The following P2RY6 variants were observed in gnomAD, a reference collection of about 807,000 sequenced individuals.
The protein encoded by P2RY6 is pyrimidinergic receptor P2Y6.
P2RY6 carries 19 observed loss-of-function variants against 16.3 expected under a neutral mutation model. The observed-to-expected ratio is 1.16, with a 90% CI of 0.81 to 1.71. P2RY6 has a LOEUF of 1.71. Among genes scored for constraint, P2RY6 ranks in the 40% most tolerant of loss-of-function variants. The probability of loss-of-function intolerance (pLI) is 0.00; values close to 1 mark genes in which losing one functional copy is unlikely to be tolerated. For missense variants in P2RY6, 389 were observed against 455.5 expected, an observed-to-expected ratio of 0.85 and a Z score of 1.33; for synonymous variants, 184 against 201.5, an observed-to-expected ratio of 0.91 and a Z score of 0.74.
rs576174370 is a variant in P2RY6, at chr11:73,297,377, C to T, written c.859C>T (p.Arg287Trp). Residue 287 changes from arginine (R) to tryptophan (W), a missense_variant, in exon 3 of 3, where the codon CGG (arginine) becomes TGG (tryptophan). Arg to Trp is a moderately radical substitution (Grantham distance 101). Transcript: ENST00000540124. ...CTTTGCAGCGGCCTACAAAGGCACG[C>T]GGCCGTTTGCCAGTGCCAACAGCGT... Reference protein sequence around the residue: ...EAFAAAYKGTRPFASANSVLD... With the variant: ...EAFAAAYKGTWPFASANSVLD... 62 of 1,612,210 alleles carry T rather than the reference C, an allele frequency of 3.8e-5. No homozygotes were observed. Among genetic ancestry groups the T allele is most frequent in the Admixed American group, 1.7e-4 (10 of 60,036 alleles).
chr11:73,274,316 G>A (rs1373670692), intron 1 of P2RY6, among the ~76,000 whole-genome samples: 2 of 152,266 alleles, frequency 1.3e-5, no homozygotes, highest in East Asian at 1.9e-4. Context: ...ATGAAATAAC[G>A]TGAATAAATC....
chr11:73,296,233 A>AAAAATATATATAT (rs57187973), intron 2 of P2RY6, among the ~76,000 whole-genome samples: 2 of 124,514 alleles, frequency 1.6e-5, no homozygotes, highest in African/African-American at 7.0e-5. Flanking sequence ...GAAAAAAAAA[A>AAAAATATATATAT]ATATATATAT....
chr11:73,282,205 A>G lies in P2RY6; in HGVS notation c.-121+9739A>G, dbSNP rs574076594. 6.8e-4 allele frequency among the ~76,000 whole-genome samples: 104 copies of G among 152,310 alleles called. 1 individual carries two copies. Among genetic ancestry groups the G allele is most frequent in the African/African-American group, 2.4e-3 (100 of 41,570 alleles). ...ACTGGCTGGTCCCTGGAGCCTCCCC[A>G]TCCCACGGCCACAACCCCATTTGAG... On this transcript the variant is annotated intron_variant, in intron 1 of 2. Coordinates refer to ENST00000540124, the MANE Select transcript of P2RY6 (RefSeq NM_001277204.2).
chr11:73,273,246 C>A (rs934362772), intron 1 of P2RY6, among the ~76,000 whole-genome samples: 8 of 152,094 alleles, frequency 5.3e-5, no homozygotes, highest in African/African-American at 1.9e-4. Flanking sequence ...CCAGCCCATG[C>A]GTTCAGCCCC....
intron 1 of P2RY6, among the ~76,000 whole-genome samples, chr11:73,283,002 T>C (rs1434794623): frequency 6.6e-6 from 1 of 152,142 alleles, no homozygotes; most frequent in East Asian, 1.9e-4. Context: ...AGAGGTAAAG[T>C]CACAGCTCAT....
At chr11:73,274,383 T>C (rs1047076468) in intron 1 of P2RY6, among the ~76,000 whole-genome samples, 2 of 152,062 alleles carry the variant, frequency 1.3e-5, no homozygotes, top group African/African-American at 2.4e-5. Flanking sequence ...AGGTCTGTCA[T>C]TGACTGAGCA....
intron 1 of P2RY6, among the ~76,000 whole-genome samples, chr11:73,277,974 TTTTGTTTG>T (rs143158419): frequency 3.4e-4 from 52 of 151,472 alleles, no homozygotes; most frequent in African/African-American, 1.2e-3. Flanking sequence ...CAAGGCTGAG[TTTTGTTTG>T]TTTGTTTGTT....
In P2RY6 at chr11:73,285,351, G is replaced by T. The variant is rs893107789; in HGVS notation, c.-120-10379G>T. Among the ~76,000 whole-genome samples, 15 of 152,352 alleles carry T rather than the reference G, an allele frequency of 9.8e-5. No individual in the cohort carries two copies. The East Asian group carries it at 2.9e-3, about 29-fold the overall frequency. ...GGCCTCCCAAAGTGCTGAGATTCCA[G>T]GCGTGAGCCACCACACCCGGCCTGT... On this transcript the variant is annotated intron_variant, in intron 1 of 2. Coordinates refer to ENST00000540124, the MANE Select transcript of P2RY6 (RefSeq NM_001277204.2).
At chr11:73,288,524 C>T (rs564073598) in intron 1 of P2RY6, among the ~76,000 whole-genome samples, 3 of 152,330 alleles carry the variant, frequency 2.0e-5, no homozygotes, top group Non-Finnish European at 2.9e-5. Flanking sequence ...CCAGATGCCA[C>T]AGGTAGGACC....
chr11:73,275,013 G>A (rs1327957071), intron 1 of P2RY6, among the ~76,000 whole-genome samples: 1 of 152,254 alleles, frequency 6.6e-6, no homozygotes, highest in Non-Finnish European at 1.5e-5. Flanking sequence ...CCCTGTCCCA[G>A]GGCTGGCCCT....
chr11:73,276,202 A>G (rs1179573734), intron 1 of P2RY6, among the ~76,000 whole-genome samples: 1 of 152,246 alleles, frequency 6.6e-6, no homozygotes, highest in Non-Finnish European at 1.5e-5. Context: ...AAATGGCTAC[A>G]ATGAAAAAGA....
At chr11:73,290,303 AAAAGAAAGAAAGAAAG>A (rs563446982) in intron 1 of P2RY6, among the ~76,000 whole-genome samples, 3,471 of 113,070 alleles carry the variant, frequency 0.031, 59 homozygotes, top group East Asian at 0.071. Flanking sequence ...AGAAAGAAAG[AAAAGAAAGAAAGAAAG>A]AAAGAAAGAA....
In P2RY6 at chr11:73,297,249, T is replaced by G. The variant is rs763812571; in HGVS notation, c.731T>G (p.Val244Gly). The G allele has an allele frequency of 6.2e-7, 1 of 1,604,866 alleles. No homozygotes were observed. Among genetic ancestry groups the G allele is most frequent in the Non-Finnish European group, 8.5e-7 (1 of 1,179,574 alleles). The change falls in exon 3 of 3, where the codon GTG becomes GGG. Residue 244 changes from valine (V) to glycine (G), a missense_variant. Transcript: ENST00000540124. ...AAGGCGGCCCGCATGGCCGTGGTGG[T>G]GGCTGCTGCCTTTGCCATCAGCTTC... ...RGKAARMAVV[V>G]AAAFAISFLP... is the part of the protein sequence containing the mutation.
chr11:73,294,684 A>T (rs545693619), intron 1 of P2RY6, among the ~76,000 whole-genome samples: 1 of 152,260 alleles, frequency 6.6e-6, no homozygotes, highest in East Asian at 1.9e-4. Flanking sequence ...GGGATAAAAT[A>T]GCTCCACCAA....
intron 1 of P2RY6, among the ~76,000 whole-genome samples, chr11:73,293,201 G>A (rs1024557087): frequency 3.3e-5 from 5 of 152,208 alleles, no homozygotes; most frequent in African/African-American, 1.2e-4. Flanking sequence ...GAACAGTGGA[G>A]ATGGGGAGGC....
chr11:73,279,400 G>T (rs1459177568), intron 1 of P2RY6, among the ~76,000 whole-genome samples: 1 of 152,142 alleles, frequency 6.6e-6, no homozygotes, highest in Admixed American at 6.5e-5. Context: ...TTAATTTGCT[G>T]TTGTTGCTGT....
chr11:73,293,234 G>A (rs1210627978), intron 1 of P2RY6, among the ~76,000 whole-genome samples: 2 of 152,218 alleles, frequency 1.3e-5, no homozygotes, highest in African/African-American at 2.4e-5. Context: ...CTGGCTCTCT[G>A]GCTGCCACTG....
chr11:73,271,316 C>T (rs1453174544), upstream of P2RY6, among the ~76,000 whole-genome samples: 1 of 152,168 alleles, frequency 6.6e-6, no homozygotes, highest in African/African-American at 2.4e-5. Flanking sequence ...GCAGGACGAG[C>T]CGCGGACAAA....
intron 1 of P2RY6, among the ~76,000 whole-genome samples, chr11:73,277,693 G>A (rs1276808167): frequency 1.3e-5 from 2 of 152,304 alleles, no homozygotes; most frequent in Non-Finnish European, 1.5e-5. Context: ...TAGGCAATCC[G>A]CATCTTTTAT....
Sources: allele counts gnomAD v4.1 joint callset (sites outside exome capture counted in the v4.1 genomes callset), GRCh38; gene constraint gnomAD v4.1.1; transcripts MANE v1.5; gene names NCBI Gene and HGNC (gene_info 2026-07-23, HGNC 2026-07-21).